GRIK2: variants seen among roughly 807,000 people sequenced by gnomAD.
GRIK2 encodes glutamate receptor ionotropic, kainate 2.
A neutral mutation model predicts 100.3 loss-of-function variants in GRIK2; 32 were observed. The observed-to-expected ratio is 0.32, with a 90% confidence interval of 0.24 to 0.43. GRIK2 has a LOEUF of 0.43. GRIK2 is among the 20% of genes least tolerant of loss of function. The probability of loss-of-function intolerance (pLI) is 1.00; values close to 1 mark genes in which losing one functional copy is unlikely to be tolerated. For synonymous variants in GRIK2, 417 were observed against 389.4 expected (o/e 1.07, Z -0.83); for missense variants, 843 against 1,114.9 (o/e 0.76, Z 3.47).
intron 7 of GRIK2, among the ~76,000 whole-genome samples, chr6:101,760,662 T>C (rs1157697075): frequency 3.3e-5 from 4 of 123,030 alleles, no homozygotes; most frequent in Non-Finnish European, 3.3e-5. Context: ...ATATGTTTAA[T>C]TATATATAAT....
intron 14 of GRIK2, among the ~76,000 whole-genome samples, chr6:102,021,956 GA>G (rs35132794): frequency 7.3e-4 from 103 of 140,760 alleles, no homozygotes; most frequent in African/African-American, 9.6e-4. Flanking sequence ...GATACATTCG[GA>G]AAAAAAAAAA....
intron 4 of GRIK2, among the ~76,000 whole-genome samples, chr6:101,642,415 C>T (rs1781315778): frequency 6.6e-6 from 1 of 151,720 alleles, no homozygotes; most frequent in African/African-American, 2.4e-5. Context: ...TCCATAGTCT[C>T]CAGAAACCAC....
intron 15 of GRIK2, among the ~76,000 whole-genome samples, chr6:102,038,807 G>C (rs1280426874): frequency 1.3e-5 from 2 of 151,214 alleles, no homozygotes; most frequent in African/African-American, 2.4e-5. Flanking sequence ...AGTTCCCCAG[G>C]CTTTTTAATT....
At chr6:101,753,005 A>G (rs1349947968) in intron 7 of GRIK2, among the ~76,000 whole-genome samples, 1 of 152,130 alleles carries the variant, frequency 6.6e-6, no homozygotes, top group Non-Finnish European at 1.5e-5. Context: ...TCAAGACAAA[A>G]TAAGACGGGC....
chr6:101,493,681 C>T (rs1235817652), intron 2 of GRIK2, among the ~76,000 whole-genome samples: 3 of 151,562 alleles, frequency 2.0e-5, no homozygotes, highest in Non-Finnish European at 4.4e-5. Context: ...AGTGAGTCTG[C>T]AGGGAAAAGC....
At chr6:101,439,907 CTCCTGAAAAGAT>C (rs1769949933) in intron 2 of GRIK2, among the ~76,000 whole-genome samples, 1 of 152,004 alleles carries the variant, frequency 6.6e-6, no homozygotes, top group South Asian at 2.1e-4. Flanking sequence ...GAAAAGAAGA[CTCCTGAAAAGAT>C]TCCTGAGAAA....
chr6:101,469,514 A>G (rs1771837778), intron 2 of GRIK2, among the ~76,000 whole-genome samples: 1 of 152,174 alleles, frequency 6.6e-6, no homozygotes, highest in Non-Finnish European at 1.5e-5. Flanking sequence ...TCTAATATTT[A>G]CTTGTTTTCT....
At position 101,577,589 on chromosome 6, in the gene GRIK2, C is replaced by G. The variant is rs960893810; in HGVS notation, c.116-44360C>G. 1.3e-4 allele frequency among the ~76,000 whole-genome samples: 20 copies of G among 151,900 alleles called. No homozygotes were observed. The East Asian group carries it at 3.5e-3, about 27-fold the overall frequency. On this transcript the variant is annotated intron_variant, in intron 2 of 16. Transcript: ENST00000369134. ...TATTTTACAAAAATAGTCAATAAAA[C>G]AAGAGTGTTGGCTATTTAGAGTACA... is the stretch of plus-strand genomic sequence containing the variant.
chr6:102,035,822 A>G (rs1770240079), intron 15 of GRIK2, among the ~76,000 whole-genome samples: 1 of 151,460 alleles, frequency 6.6e-6, no homozygotes, highest in Admixed American at 6.6e-5. Context: ...AAAAACACAC[A>G]GTATAACCCA....
At chr6:101,821,845 T>G (rs2128423688) in intron 10 of GRIK2, among the ~76,000 whole-genome samples, 1 of 152,230 alleles carries the variant, frequency 6.6e-6, no homozygotes, top group South Asian at 2.1e-4. Flanking sequence ...CCTTTTCTCT[T>G]GAAATATCTT....
At chr6:101,808,922 A>G (rs1276946270) in intron 9 of GRIK2, among the ~76,000 whole-genome samples, 1 of 151,734 alleles carries the variant, frequency 6.6e-6, no homozygotes, top group Non-Finnish European at 1.5e-5. Context: ...AAAATCTTAA[A>G]AAAAAATACA....
chr6:101,733,160 G>C (rs1775397325), intron 7 of GRIK2, among the ~76,000 whole-genome samples: 1 of 151,998 alleles, frequency 6.6e-6, no homozygotes, highest in South Asian at 2.1e-4. Context: ...AATACCCAAA[G>C]TATTAACTTG....
At chr6:101,580,599 A>G (rs1778029825) in intron 2 of GRIK2, among the ~76,000 whole-genome samples, 1 of 152,120 alleles carries the variant, frequency 6.6e-6, no homozygotes, top group African/African-American at 2.4e-5. Flanking sequence ...TGTGAATGGC[A>G]CTATAGCATT....
intron 2 of GRIK2, among the ~76,000 whole-genome samples, chr6:101,579,532 A>C (rs1213946088): frequency 7.1e-6 from 1 of 140,192 alleles, no homozygotes; most frequent in Non-Finnish European, 1.5e-5. Flanking sequence ...GGCTGTCCTC[A>C]CTTAGTCTAT....
chr6:101,902,296 T>A (rs2128461984), intron 12 of GRIK2, among the ~76,000 whole-genome samples: 1 of 152,030 alleles, frequency 6.6e-6, no homozygotes, highest in Admixed American at 6.6e-5. Flanking sequence ...AACAGTAAGC[T>A]GTAAAAGTTA....
chr6:101,682,000 A>T (rs761705257), intron 5 of GRIK2, among the ~76,000 whole-genome samples: 1 of 152,200 alleles, frequency 6.6e-6, no homozygotes, highest in Non-Finnish European at 1.5e-5. Context: ...AATAAAACAC[A>T]GTAATTTGTG....
intron 7 of GRIK2, among the ~76,000 whole-genome samples, chr6:101,716,898 T>C (rs1484156625): frequency 1.3e-5 from 2 of 151,832 alleles, no homozygotes; most frequent in Admixed American, 1.3e-4. Context: ...CCTCTTCCAG[T>C]GCCCATTCCT....
chr6:101,450,057 G>T (rs1005408231), intron 2 of GRIK2, among the ~76,000 whole-genome samples: 1 of 151,590 alleles, frequency 6.6e-6, no homozygotes, highest in Admixed American at 6.6e-5. Context: ...TTGACTACTT[G>T]ACTCCAAAAT....
chr6:101,623,426 A>G (rs1582844081), intron 3 of GRIK2, among the ~76,000 whole-genome samples: 1 of 152,270 alleles, frequency 6.6e-6, no homozygotes, highest in Non-Finnish European at 1.5e-5. Flanking sequence ...ATTGCAAAAT[A>G]AATCATTAAT....
Sources: allele counts gnomAD v4.1 joint callset (sites outside exome capture counted in the v4.1 genomes callset), GRCh38; gene constraint gnomAD v4.1.1; transcripts MANE v1.5; gene names NCBI Gene and HGNC (gene_info 2026-07-23, HGNC 2026-07-21).